Variants in MARCHF1 observed in about 807,000 individuals in gnomAD.
The protein encoded by MARCHF1 is E3 ubiquitin-protein ligase MARCHF1.
MARCHF1 carries 40 observed loss-of-function variants against 54.2 expected under a neutral mutation model. That is an observed-to-expected ratio of 0.74 (90% CI 0.57 to 0.96). MARCHF1 has a LOEUF of 0.96. MARCHF1 is among the 40% of genes least tolerant of loss of function. The pLI is 0.00. For synonymous variants in MARCHF1, 236 were observed against 236.3 expected (o/e 1.00, Z 0.01); for missense variants, 586 against 656.5 (o/e 0.89, Z 1.17).
At chr4:164,150,055 G>C (rs922858316) in intron 1 of MARCHF1, among the ~76,000 whole-genome samples, 3 of 152,072 alleles carry the variant, frequency 2.0e-5, no homozygotes, top group Admixed American at 6.6e-5. Flanking sequence ...CGATGTGATG[G>C]AACAGTTACT....
intron 3 of MARCHF1, among the ~76,000 whole-genome samples, chr4:163,917,297 A>G (rs1351075759): frequency 6.6e-6 from 1 of 152,152 alleles, no homozygotes; most frequent in African/African-American, 2.4e-5. Context: ...GGTGAAGTAC[A>G]TTTGGTTTTC....
At chr4:164,261,594 A>C (rs17044842) in intron 1 of MARCHF1, among the ~76,000 whole-genome samples, 17,753 of 151,860 alleles carry the variant, frequency 0.12, 1,621 homozygotes, top group African/African-American at 0.25. Context: ...CTCCTCCTTA[A>C]TCATCCTGAG....
chr4:164,112,775 C>G (rs1755860278), intron 1 of MARCHF1, among the ~76,000 whole-genome samples: 2 of 151,776 alleles, frequency 1.3e-5, no homozygotes, highest in Non-Finnish European at 2.9e-5. Context: ...ACAAAAACAA[C>G]AACAAAATAT....
intron 4 of MARCHF1, among the ~76,000 whole-genome samples, chr4:163,817,809 T>C (rs952789701): frequency 1.3e-5 from 2 of 151,644 alleles, no homozygotes. Context: ...ATGTCCTTTG[T>C]AGGGATATGG....
chr4:163,909,258 CAGTA>C (rs1373020659), intron 3 of MARCHF1, among the ~76,000 whole-genome samples: 1 of 152,070 alleles, frequency 6.6e-6, no homozygotes, highest in African/African-American at 2.4e-5. Context: ...ATAATAGAAA[CAGTA>C]AGTGTTTGAA....
At chr4:163,894,681 C>A (rs1465703756) in intron 3 of MARCHF1, among the ~76,000 whole-genome samples, 1 of 8,710 alleles carries the variant, frequency 1.1e-4, no homozygotes, top group African/African-American at 4.4e-4. Context: ...CATATATATG[C>A]ATGTGATGCA....
At chr4:163,926,014 T>C (rs940527205) in intron 3 of MARCHF1, among the ~76,000 whole-genome samples, 2 of 151,728 alleles carry the variant, frequency 1.3e-5, no homozygotes, top group South Asian at 2.1e-4. Context: ...AACTAAGTTA[T>C]ATATAACTAT....
At chr4:164,237,617 C>A (rs546066743) in intron 1 of MARCHF1, among the ~76,000 whole-genome samples, 2 of 152,044 alleles carry the variant, frequency 1.3e-5, no homozygotes, top group South Asian at 2.1e-4. Flanking sequence ...TTATTAATTG[C>A]AAAACACTCT....
chr4:163,889,802 T>C (rs1040585482), intron 3 of MARCHF1, among the ~76,000 whole-genome samples: 3 of 151,844 alleles, frequency 2.0e-5, no homozygotes, highest in Non-Finnish European at 2.9e-5. Flanking sequence ...TCAGCATATA[T>C]TTTTCTAGCA....
intron 3 of MARCHF1, among the ~76,000 whole-genome samples, chr4:163,977,068 T>C (rs1034158271): frequency 7.9e-5 from 12 of 152,030 alleles, no homozygotes; most frequent in Admixed American, 2.0e-4. Flanking sequence ...ATGAAAAGTA[T>C]ATAAAACAGT....
chr4:164,162,480 G>A (rs1730264317), intron 1 of MARCHF1, among the ~76,000 whole-genome samples: 1 of 152,114 alleles, frequency 6.6e-6, no homozygotes, highest in Admixed American at 6.6e-5. Context: ...TTCAGTAAAT[G>A]ACCAATCAGC....
chr4:163,897,692 C>A (rs1750841398), intron 3 of MARCHF1, among the ~76,000 whole-genome samples: 1 of 152,064 alleles, frequency 6.6e-6, no homozygotes, highest in Non-Finnish European at 1.5e-5. Flanking sequence ...AATGGACCCC[C>A]ATCTCTCACC....
chr4:163,959,103 A>G (rs1752288500), intron 3 of MARCHF1, among the ~76,000 whole-genome samples: 1 of 151,972 alleles, frequency 6.6e-6, no homozygotes, highest in African/African-American at 2.4e-5. Context: ...GATCTACCAT[A>G]CACAGTACCA....
intron 2 of MARCHF1, among the ~76,000 whole-genome samples, chr4:164,076,292 G>C (rs560432590): frequency 6.6e-6 from 1 of 152,064 alleles, no homozygotes; most frequent in East Asian, 1.9e-4. Context: ...CAAAATATTA[G>C]AGCTCAAAGA....
chr4:163,900,123 A>G (rs1283013280), intron 3 of MARCHF1, among the ~76,000 whole-genome samples: 1 of 152,022 alleles, frequency 6.6e-6, no homozygotes, highest in Non-Finnish European at 1.5e-5. Context: ...TTTTGCTACT[A>G]ATATTTATTG....
intron 1 of MARCHF1, among the ~76,000 whole-genome samples, chr4:164,211,849 C>A (rs1731783477): frequency 6.6e-6 from 1 of 151,894 alleles, no homozygotes; most frequent in South Asian, 2.1e-4. Flanking sequence ...AGTGATAGAG[C>A]AGTAGCCAGA....
intron 3 of MARCHF1, among the ~76,000 whole-genome samples, chr4:163,855,257 A>T (rs1285172455): frequency 6.6e-6 from 1 of 152,204 alleles, no homozygotes. Flanking sequence ...ACTCAACAGA[A>T]TGGATTTCTT....
chr4:163,769,047 A>G (rs1000034175), intron 4 of MARCHF1, among the ~76,000 whole-genome samples: 8 of 152,246 alleles, frequency 5.3e-5, no homozygotes, highest in African/African-American at 1.7e-4. Flanking sequence ...TAGTTAGCAA[A>G]AGACTATTGT....
intron 9 of MARCHF1, among the ~76,000 whole-genome samples, chr4:163,537,444 C>T (rs1479453196): frequency 6.6e-6 from 1 of 152,140 alleles, no homozygotes; most frequent in Non-Finnish European, 1.5e-5. Context: ...AAAGCTGTAT[C>T]CTGCACTTCA....
Sources: gnomAD v4.1 joint callset for allele counts (sites outside exome capture counted in the v4.1 genomes callset) on GRCh38, gnomAD v4.1.1 for gene constraint, MANE v1.5 for transcripts, NCBI Gene and HGNC (gene_info 2026-07-23, HGNC 2026-07-21) for gene names.